The following RHOBTB2 variants were observed in gnomAD, a reference collection of about 807,000 sequenced individuals.
RHOBTB2 encodes Rho related BTB domain containing 2.
Under a neutral mutation model 66.5 loss-of-function variants are expected in RHOBTB2, and 39 were observed. The ratio of observed to expected loss-of-function variants is 0.59; its 90% CI spans 0.45 to 0.77. The LOEUF is 0.77. Among genes scored for constraint, RHOBTB2 ranks in the 30% least tolerant of loss-of-function variants. The pLI, the probability that RHOBTB2 is intolerant of heterozygous loss-of-function variation, is 0.00. For synonymous variants in RHOBTB2, 390 were observed against 395.0 expected (o/e 0.99, Z 0.15); for missense variants, 755 against 999.1 (o/e 0.76, Z 3.29).
In RHOBTB2 at chr8:23,004,347, A is replaced by G; in HGVS notation, c.-10-78A>G. 8.0e-7 allele frequency: 1 copy of G among 1,244,358 alleles called. No homozygotes were observed. Among genetic ancestry groups the G allele is most frequent in the Non-Finnish European group, 1.2e-6 (1 of 852,366 alleles). The allele number at this position is 1,244,358 out of a possible 1,614,324, so 77.1% of individuals were successfully genotyped here. A position where few individuals can be genotyped will look rare whatever the true frequency, so the allele number is the denominator to read the frequency against. On this transcript the variant is annotated intron_variant, in intron 1 of 9. Coordinates refer to ENST00000251822, the MANE Select transcript of RHOBTB2 (RefSeq NM_015178.3). This position sits in a 1 kb window ranked among gnomAD's most constrained non-coding sequence, Gnocchi z 6.4. ...TGCAGAGGGGGCAGCCTGGCTGAGG[A>G]GAGCTGCGGGTGCTGGCCCTGGCCC...
At chr8:22,970,701 C>A in the RHOBTB2 span, among the ~76,000 whole-genome samples, 1 of 151,830 alleles carries the variant, frequency 6.6e-6, no homozygotes. Context: ...CTCAAGCGAT[C>A]CTCCCTCAGT....
the RHOBTB2 span, among the ~76,000 whole-genome samples, chr8:22,951,479 G>C: frequency 6.6e-6 from 1 of 152,146 alleles, no homozygotes. Flanking sequence ...TCCGAAAAGA[G>C]AGTCAGCAAA....
the RHOBTB2 span, among the ~76,000 whole-genome samples, chr8:22,972,982 G>T: frequency 6.6e-6 from 1 of 152,170 alleles, no homozygotes; most frequent in Non-Finnish European, 1.5e-5. Flanking sequence ...CTGCGCCTTT[G>T]CACAGGCATA....
At chr8:22,976,922 G>C in the RHOBTB2 span, among the ~76,000 whole-genome samples, 1 of 151,948 alleles carries the variant, frequency 6.6e-6, no homozygotes, top group Admixed American at 6.6e-5. Context: ...CACTGTGCCT[G>C]GCCTAGAACA....
At chr8:22,995,396 G>A (rs77196460), upstream of RHOBTB2, among the ~76,000 whole-genome samples, 318 of 152,326 alleles carry the variant, frequency 2.1e-3, no homozygotes, top group African/African-American at 7.3e-3. Context: ...GGTGTGATTG[G>A]TATTATTAGG....
rs901834145 is a variant in RHOBTB2 at position 23,017,399 on chromosome 8, A to G, written c.2114A>G (p.Asn705Ser). 1.2e-6 allele frequency: 2 copies of G among 1,613,996 alleles called. No homozygotes were observed. Among genetic ancestry groups the G allele is most frequent in the Non-Finnish European group, 1.7e-6 (2 of 1,179,940 alleles). ...RQPKRRWLFW[N>S]SPSSPSSSAA... ...CCCAAACGGCGTTGGCTCTTCTGGA[A>G]CAGTCCATCCTCCCCGTCTTCCTCG... The change falls in exon 10 of 10, where the codon AAC becomes AGC. Residue 705 changes from asparagine to serine, a missense_variant. Asn to Ser is a conservative substitution (Grantham distance 46, BLOSUM62 1). This residue lies in a region of RHOBTB2 where 353 missense variants were observed against 458.2 expected (regional missense o/e 0.77). Transcript: ENST00000251822. This position sits in a 1 kb window ranked among gnomAD's most constrained non-coding sequence, Gnocchi z 5.3.
Position 23,004,599 on chromosome 8 carries a change from C to A in RHOBTB2, c.165C>A (p.Ala55=), listed in dbSNP as rs751223771. 1.2e-6 allele frequency: 2 copies of A among 1,613,934 alleles called. No individual in the cohort carries two copies. The highest frequency in any genetic ancestry group is 2.2e-5 in the South Asian group (2 of 91,072). The change falls in exon 2 of 10, where the codon GCC becomes GCA. Residue 55 remains alanine (A), a synonymous_variant. Transcript: ENST00000251822. This position sits in a 1 kb window ranked among gnomAD's most constrained non-coding sequence, Gnocchi z 6.4. ...CCACGCATGTGCCCACAGTATGGGC[C>A]ATCGACCAATATCGTGTGTGCCAGG... The part of the protein sequence containing the change: ...LLATHVPTVW[A]IDQYRVCQEV...
In RHOBTB2 at chr8:23,000,064, T is replaced by C; in HGVS notation, c.-52T>C. On this transcript the variant is annotated 5_prime_UTR_variant, in exon 1 of 10. An upstream start codon of the reference 5' UTR is lost. Coordinates refer to ENST00000251822, the MANE Select transcript of RHOBTB2 (RefSeq NM_015178.3). ...AATGAGCGTGCTCAGCAGGAAGAGA[T>C]GTGTTCCTCACGCTAGAAGCCACCC... 1.0e-6 allele frequency: 1 copy of C among 985,464 alleles called. No individual in the cohort carries two copies. The highest frequency in any genetic ancestry group is 1.2e-6 in the Non-Finnish European group (1 of 829,954). 61.0% of individuals were successfully genotyped at this position (985,464 alleles called of 1,614,324 possible).
chr8:23,010,400 T>G lies in RHOBTB2; in HGVS notation c.1621-138T>G, dbSNP rs576755486. The G allele has an allele frequency of 3.1e-5, 29 of 942,174 alleles. No individual in the cohort carries two copies. In the African/African-American group the frequency reaches 4.1e-4, roughly 13 times the overall value. The allele number at this position is 942,174 out of a possible 1,614,324, so 58.4% of individuals were successfully genotyped here. A position where few individuals can be genotyped will look rare whatever the true frequency, so the allele number is the denominator to read the frequency against. The stretch of plus-strand genomic sequence containing the variant: ...GTGTTCTCAGGGTCTTCTCAGCAGA[T>G]ACACATGCAGCACAGGGAAGGCTGC... On this transcript the variant is annotated intron_variant, in intron 6 of 9. Coordinates refer to ENST00000251822, the MANE Select transcript of RHOBTB2 (RefSeq NM_015178.3).
At chr8:22,988,109 A>G (rs1162915389) in intron 1 of RHOBTB2, among the ~76,000 whole-genome samples, 2 of 149,646 alleles carry the variant, frequency 1.3e-5, no homozygotes, top group African/African-American at 4.9e-5. Context: ...CCCCTCCCCA[A>G]CTGAAGGCTG....
At chr8:22,997,440 T>C (rs1014403462), upstream of RHOBTB2, among the ~76,000 whole-genome samples, 7 of 152,042 alleles carry the variant, frequency 4.6e-5, no homozygotes, top group African/African-American at 1.7e-4. Context: ...GTTCACTGAG[T>C]GTGAGCGGGG....
chr8:23,005,162 C>T (rs1810909577), intron 2 of RHOBTB2, among the ~76,000 whole-genome samples: 1 of 152,154 alleles, frequency 6.6e-6, no homozygotes, highest in African/African-American at 2.4e-5. Context: ...CACTCCTGGT[C>T]AGCTTGGAGG....
At chr8:22,996,015 G>A, upstream of RHOBTB2, 1 of 826,204 alleles carries the variant, frequency 1.2e-6, no homozygotes, top group African/African-American at 1.7e-5. Flanking sequence ...GCCACAGGGA[G>A]AGCAACGCTG....
chr8:22,994,403 C>G (rs1351817514), intron 2 of RHOBTB2, among the ~76,000 whole-genome samples: 1 of 152,224 alleles, frequency 6.6e-6, no homozygotes, highest in African/African-American at 2.4e-5. Flanking sequence ...TGGGGTCTCA[C>G]CCCGCGCTGG....
At chr8:23,008,165 T>C (rs2128805242) in intron 6 of RHOBTB2, 54 bp downstream of exon 6, 1 of 1,235,678 alleles carries the variant, frequency 8.1e-7, no homozygotes. Flanking sequence ...TTGCACCCTT[T>C]ACATCTGAGG....
rs984988245 is a variant in RHOBTB2, at chr8:23,004,735, T to G, written c.192+109T>G. 9.6e-7 allele frequency: 1 copy of G among 1,038,704 alleles called. No individual in the cohort carries two copies. Among genetic ancestry groups the G allele is most frequent in the Non-Finnish European group, 1.4e-6 (1 of 706,300 alleles). 64.3% of individuals were successfully genotyped at this position (1,038,704 alleles called of 1,614,324 possible). On this transcript the variant is annotated intron_variant, in intron 2 of 9. Coordinates refer to ENST00000251822, the MANE Select transcript of RHOBTB2 (RefSeq NM_015178.3). This position sits in a 1 kb window ranked among gnomAD's most constrained non-coding sequence, Gnocchi z 6.4. ...AGAGCTCACGGGAGCCCTCTAGGGG[T>G]GGGACAGGATGGGTTGGGGGCAGCT... is the stretch of plus-strand genomic sequence containing the variant.
chr8:22,980,840 T>C, the RHOBTB2 span, among the ~76,000 whole-genome samples: 1 of 152,222 alleles, frequency 6.6e-6, no homozygotes, highest in Non-Finnish European at 1.5e-5. Flanking sequence ...AAATTACAAC[T>C]TCGTGTTTCA....
In RHOBTB2 at chr8:23,006,641, C is replaced by T; in HGVS notation, c.483-87C>T. The T allele has an allele frequency of 7.4e-7, 1 of 1,351,808 alleles. No homozygotes were observed. The highest frequency in any genetic ancestry group is 1.0e-6 in the Non-Finnish European group (1 of 972,688). The allele number at this position is 1,351,808 out of a possible 1,614,324, so 83.7% of individuals were successfully genotyped here. On this transcript the variant is annotated intron_variant, in intron 4 of 9. Coordinates refer to ENST00000251822, the MANE Select transcript of RHOBTB2 (RefSeq NM_015178.3). The surrounding 1 kb of genome is among the most constrained non-coding windows in gnomAD (Gnocchi z 6.1). The stretch of plus-strand genomic sequence containing the variant: ...GTGGGTGGGGATTGGCACCCAGATC[C>T]TGAGCAGAGTCCCTCCAGCCTGTGG...
the RHOBTB2 span, among the ~76,000 whole-genome samples, chr8:22,977,006 G>A: frequency 6.6e-6 from 1 of 152,006 alleles, no homozygotes; most frequent in Admixed American, 6.6e-5. Flanking sequence ...TGCCATCCCA[G>A]CTACTTGGGA....
Sources: gnomAD v4.1 joint callset for allele counts (sites outside exome capture counted in the v4.1 genomes callset) on GRCh38, gnomAD v4.1.1 for gene constraint, gnomAD v4.1.1 regional missense constraint, Gnocchi (gnomAD v3.1) non-coding constraint, MANE v1.5 for transcripts, NCBI Gene and HGNC (gene_info 2026-07-23, HGNC 2026-07-21) for gene names.